The following LRR1 variants were observed in gnomAD, a reference collection of about 807,000 sequenced individuals.
The protein encoded by LRR1 is leucine rich repeat protein 1.
A neutral mutation model predicts 31.6 loss-of-function variants in LRR1; 29 were observed. The observed-to-expected ratio is 0.92, with a 90% confidence interval of 0.68 to 1.25. The LOEUF (loss-of-function observed/expected upper bound fraction) is 1.25. Among genes scored for constraint, LRR1 ranks in the 50% most tolerant of loss-of-function variants. LRR1 has a pLI of 0.00. For missense variants in LRR1, 485 were observed against 487.2 expected (o/e 1.00, Z 0.04); for synonymous variants, 179 against 181.4 (o/e 0.99, Z 0.10).
At chr14:49,602,808 T>TTTGC (rs1307248173) in intron 2 of LRR1, among the ~76,000 whole-genome samples, 6 of 152,030 alleles carry the variant, frequency 3.9e-5, no homozygotes, top group African/African-American at 7.3e-5. Context: ...CTGGCGTGTA[T>TTTGC]TTGCTTGCTT....
At chr14:49,612,630 C>A in intron 3 of LRR1, 1 of 1,042,244 alleles carries the variant, frequency 9.6e-7, no homozygotes, top group Non-Finnish European at 1.2e-6. Flanking sequence ...CAAAGGTAAC[C>A]GCTGTTTTTT....
intron 2 of LRR1, among the ~76,000 whole-genome samples, chr14:49,606,427 C>T (rs1243808775): frequency 6.6e-6 from 1 of 152,098 alleles, no homozygotes; most frequent in Non-Finnish European, 1.5e-5. Context: ...CAACCTCTGC[C>T]TCCCAGGTTC....
chr14:49,607,321 A>G, intron 2 of LRR1, 79 bp from the exon 3 acceptor site: 1 of 1,357,192 alleles, frequency 7.4e-7, no homozygotes, highest in Non-Finnish European at 9.8e-7. Context: ...GTAATGCCAT[A>G]GAATTTGTTA....
rs190440038 is a variant in LRR1, at chr14:49,601,856, C to T, written c.184-514C>T. On this transcript the variant is annotated intron_variant, in intron 1 of 3. Transcript: ENST00000298288. ...AAAAAAAAACTTTAAAACTTGGCCA[C>T]GCGCCGTGGCTCATGCCTGTAATCC... Among the ~76,000 whole-genome samples, 13 of 150,734 alleles carry T rather than the reference C, an allele frequency of 8.6e-5. No homozygotes were observed. The East Asian group carries it at 1.2e-3, about 14-fold the overall frequency.
In LRR1 at chr14:49,604,142, A is replaced by C. The variant is rs1040727732; in HGVS notation, c.282+1674A>C. ...ACATGGTGAAACCCTGTCTCCACAA[A>C]AAAAAAAAAAAAAATTAGCCAGGCG... On this transcript the variant is annotated intron_variant, in intron 2 of 3. Coordinates refer to ENST00000298288, the MANE Select transcript of LRR1 (RefSeq NM_152329.4). Among the ~76,000 whole-genome samples the C allele has an allele frequency of 4.1e-3, 602 of 148,180 alleles. 9 individuals are homozygous for C. Among genetic ancestry groups the C allele is most frequent in the Middle Eastern group, 3.5e-3 (1 of 286 alleles).
In LRR1 at chr14:49,601,341, TGTCA is replaced by T. The variant is rs901732417; in HGVS notation, c.184-1025_184-1022del. Among the ~76,000 whole-genome samples the T allele has an allele frequency of 3.0e-4, 46 of 152,356 alleles. 1 individual carries two copies. The highest frequency in any genetic ancestry group is 1.1e-3 in the African/African-American group (45 of 41,582). On this transcript the variant is annotated intron_variant, in intron 1 of 3. Transcript: ENST00000298288. The stretch of plus-strand genomic sequence containing the variant: ...GTCAACTCTTTAAGTGTAGTTACCC[TGTCA>T]GTCTTATTCATTGCTATGTCCCAAG...
chr14:49,614,190 T>G, intron 3 of LRR1, 66 bp from the exon 4 acceptor site: 1 of 1,475,314 alleles, frequency 6.8e-7, no homozygotes, highest in Non-Finnish European at 9.1e-7. Context: ...AAATTCCATG[T>G]CCTAATAATT....
intron 1 of LRR1, chr14:49,601,733 C>T (rs534171072): frequency 4.8e-6 from 6 of 1,262,848 alleles, no homozygotes; most frequent in East Asian, 5.6e-5. Context: ...ACATGGTGAT[C>T]CTGTTCTCAA....
intron 2 of LRR1, among the ~76,000 whole-genome samples, chr14:49,606,955 C>T (rs185482556): frequency 8.7e-4 from 133 of 152,288 alleles, no homozygotes; most frequent in Middle Eastern, 3.4e-3. Context: ...CTGCGCCCCA[C>T]CTAAACTCAA....
intron 1 of LRR1, chr14:49,600,388 T>G: frequency 6.3e-7 from 1 of 1,599,588 alleles, no homozygotes; most frequent in Non-Finnish European, 8.6e-7. Context: ...CCCAAAACTT[T>G]AGCAAGACTG....
At position 49,608,365 on chromosome 14, in the gene LRR1, A is replaced by G. The variant is rs556490668; in HGVS notation, c.1004+244A>G. Among the ~76,000 whole-genome samples the G allele has an allele frequency of 7.3e-5, 9 of 123,662 alleles. No individual in the cohort carries two copies. The Admixed American group carries it at 7.5e-4, about 10-fold the overall frequency. The allele number at this position is 123,662 out of a possible 152,430, so 81.1% of individuals were successfully genotyped here. ...CATCCCAGAAAGGTCTTACCTGTCC[A>G]TTCTATCTAAATTTTATTCCTTCCC... On this transcript the variant is annotated intron_variant, in intron 3 of 3. Coordinates refer to ENST00000298288, the MANE Select transcript of LRR1 (RefSeq NM_152329.4).
intron 1 of LRR1, chr14:49,600,921 G>A: frequency 1.3e-6 from 2 of 1,501,640 alleles, no homozygotes; most frequent in Non-Finnish European, 1.8e-6. Context: ...AAACAGAGCT[G>A]TAGATGGAAC....
At chr14:49,613,622 C>A (rs1393410737) in intron 3 of LRR1, among the ~76,000 whole-genome samples, 1 of 151,746 alleles carries the variant, frequency 6.6e-6, no homozygotes, top group African/African-American at 2.4e-5. Context: ...GCCTGGCCAA[C>A]ATGGTGAAAC....
chr14:49,603,847 C>T (rs867759624), intron 2 of LRR1, among the ~76,000 whole-genome samples: 19 of 151,628 alleles, frequency 1.3e-4, no homozygotes, highest in Non-Finnish European at 2.5e-4. Context: ...CACGTGCCGC[C>T]ATGCCCAGCT....
At chr14:49,600,460 G>A in intron 1 of LRR1, 2 of 1,584,488 alleles carry the variant, frequency 1.3e-6, no homozygotes, top group Non-Finnish European at 1.7e-6. Context: ...AAAGAGATAG[G>A]AGCATGCTGC....
intron 2 of LRR1, chr14:49,603,424 C>T (rs1882147176): frequency 9.9e-6 from 2 of 201,550 alleles, no homozygotes; most frequent in Non-Finnish European, 1.9e-5. Context: ...GCCAGCTAAA[C>T]CACAGGTTAC....
At chr14:49,604,975 A>AG (rs1882227969) in intron 2 of LRR1, among the ~76,000 whole-genome samples, 1 of 151,204 alleles carries the variant, frequency 6.6e-6, no homozygotes, top group Non-Finnish European at 1.5e-5. Context: ...AGCTCACTGC[A>AG]CCCTCGACCT....
intron 1 of LRR1, chr14:49,601,105 C>G: frequency 6.2e-7 from 1 of 1,611,170 alleles, no homozygotes; most frequent in South Asian, 1.1e-5. Context: ...TCCAAGCGTA[C>G]AGGAGATGGG....
Position 49,607,864 on chromosome 14 carries a change from G to A in LRR1, c.747G>A (p.Gln249=). 3.7e-6 allele frequency: 6 copies of A among 1,613,576 alleles called. No individual in the cohort carries two copies. The highest frequency in any genetic ancestry group is 1.7e-4 in the Middle Eastern group (1 of 6,060). Reference sequence around the variant, plus strand: ...TCCCTGTGCAGTTTTGCCAGCTCCAGGAACTTAAGAATTTAAAACTTGACG... The same window carrying A: ...TCCCTGTGCAGTTTTGCCAGCTCCAAGAACTTAAGAATTTAAAACTTGACG... The part of the protein sequence containing the change: ...KALPVQFCQL[Q]ELKNLKLDDN... The change falls in exon 3 of 4, where the codon CAG becomes CAA. Residue 249 remains glutamine, a synonymous_variant. Coordinates refer to ENST00000298288, the MANE Select transcript of LRR1 (RefSeq NM_152329.4).
Sources: gnomAD v4.1 joint callset for allele counts (sites outside exome capture counted in the v4.1 genomes callset) on GRCh38, gnomAD v4.1.1 for gene constraint, MANE v1.5 for transcripts, NCBI Gene and HGNC (gene_info 2026-07-23, HGNC 2026-07-21) for gene names.